Variants in PAXBP1 observed in about 807,000 individuals in gnomAD.
The protein encoded by PAXBP1 is PAX3 and PAX7 binding protein 1.
In PAXBP1, 44 loss-of-function variants were observed where a neutral mutation model predicts 119.9. That is an observed-to-expected ratio of 0.37 (90% CI 0.29 to 0.47). PAXBP1 has a LOEUF of 0.47. Ranked by LOEUF, PAXBP1 falls within the 20% of genes least tolerant of loss-of-function variation. The probability of loss-of-function intolerance (pLI) is 0.99; values close to 1 mark genes in which losing one functional copy is unlikely to be tolerated. For missense variants in PAXBP1, 898 were observed against 1,134.1 expected (o/e 0.79, Z 2.99); for synonymous variants, 393 against 406.6 (o/e 0.97, Z 0.40).
intron 2 of PAXBP1, among the ~76,000 whole-genome samples, chr21:32,766,650 T>C (rs1440489009): frequency 6.6e-6 from 1 of 152,234 alleles, no homozygotes; most frequent in African/African-American, 2.4e-5. Context: ...CTTTTGTGCC[T>C]TGACCCTACA....
At chr21:32,767,484 CAACT>C (rs2044260660) in intron 2 of PAXBP1, among the ~76,000 whole-genome samples, 1 of 152,172 alleles carries the variant, frequency 6.6e-6, no homozygotes, top group South Asian at 2.1e-4. Flanking sequence ...CAATAAATGG[CAACT>C]AATATGGTTT....
chr21:32,737,429 A>C, intron 16 of PAXBP1, 21 bp from the exon 17 acceptor site: 1 of 1,583,712 alleles, frequency 6.3e-7, no homozygotes, highest in Non-Finnish European at 8.6e-7. Context: ...GAAAGACGTA[A>C]AATAAAATAG....
chr21:32,748,739 T>A (rs776309956), intron 10 of PAXBP1, 41 bp from the exon 11 acceptor site: 35 of 1,545,096 alleles, frequency 2.3e-5, no homozygotes, highest in Non-Finnish European at 2.7e-5. Flanking sequence ...TACATTAGTA[T>A]GAAGTAGGAA....
intron 2 of PAXBP1, among the ~76,000 whole-genome samples, chr21:32,766,976 T>C (rs1456262351): frequency 1.3e-5 from 2 of 152,198 alleles, no homozygotes; most frequent in African/African-American, 2.4e-5. Context: ...TTTTATCTCT[T>C]TGGTAAATCC....
At chr21:32,755,898 T>C (rs961748312) in intron 7 of PAXBP1, 1 of 181,030 alleles carries the variant, frequency 5.5e-6, no homozygotes, top group Non-Finnish European at 1.2e-5. Context: ...TGTTTACTAT[T>C]TTGTAGCTTT....
chr21:32,744,614 AG>A (rs2043844759), intron 13 of PAXBP1, among the ~76,000 whole-genome samples, 177 bp downstream of exon 13: 1 of 152,070 alleles, frequency 6.6e-6, no homozygotes, highest in African/African-American at 2.4e-5. Context: ...TATAAAAAAA[AG>A]AAAAAAAAAA....
At chr21:32,756,600 T>C in intron 7 of PAXBP1, 1 of 250,332 alleles carries the variant, frequency 4.0e-6, no homozygotes, top group Non-Finnish European at 7.8e-6. Context: ...AAATTTATTA[T>C]AATCTGATTT....
At chr21:32,767,275 T>A (rs908647368) in intron 2 of PAXBP1, among the ~76,000 whole-genome samples, 2 of 152,112 alleles carry the variant, frequency 1.3e-5, no homozygotes, top group Non-Finnish European at 2.9e-5. Flanking sequence ...GTAGGAAGAG[T>A]TCTGGATTGC....
intron 17 of PAXBP1, 145 bp from the exon 18 acceptor site, chr21:32,735,212 C>T: frequency 1.7e-6 from 1 of 603,430 alleles, no homozygotes. Flanking sequence ...ATGCAAGCTA[C>T]AGCATGTTAA....
At chr21:32,755,114 G>C in intron 8 of PAXBP1, 116 bp downstream of exon 8, 1 of 1,169,160 alleles carries the variant, frequency 8.6e-7, no homozygotes, top group Non-Finnish European at 1.1e-6. Flanking sequence ...CAACAGCAAG[G>C]AAATTGTTTC....
At chr21:32,753,443 A>C (rs921133383) in intron 8 of PAXBP1, among the ~76,000 whole-genome samples, 3 of 151,808 alleles carry the variant, frequency 2.0e-5, no homozygotes, top group Non-Finnish European at 2.9e-5. Flanking sequence ...AAAAAAAAAA[A>C]AAAACATTAT....
chr21:32,764,780 T>C (rs770485519), intron 2 of PAXBP1, among the ~76,000 whole-genome samples: 50 of 152,222 alleles, frequency 3.3e-4, no homozygotes, highest in Non-Finnish European at 6.8e-4. Flanking sequence ...AAGGATGCAT[T>C]TGAGGCCCTG....
chr21:32,749,950 T>G (rs2043934117), intron 10 of PAXBP1, among the ~76,000 whole-genome samples: 1 of 152,138 alleles, frequency 6.6e-6, no homozygotes. Flanking sequence ...GAACCTTAGG[T>G]GGATCCTGGT....
chr21:32,744,354 G>A (rs150524760), intron 13 of PAXBP1, among the ~76,000 whole-genome samples: 121 of 151,768 alleles, frequency 8.0e-4, no homozygotes, highest in African/African-American at 2.5e-3. Flanking sequence ...GTGTTGGGCC[G>A]CATTCAAAGC....
At chr21:32,768,222 G>C (rs751989860) in intron 2 of PAXBP1, among the ~76,000 whole-genome samples, 2 of 152,182 alleles carry the variant, frequency 1.3e-5, no homozygotes, top group African/African-American at 4.8e-5. Flanking sequence ...AGACTCACCT[G>C]CCCTTCTACC....
chr21:32,745,652 G>C lies in PAXBP1; in HGVS notation c.1990C>G (p.Arg664Gly), dbSNP rs772911403. The change falls in exon 12 of 18, where the codon CGA becomes GGA. Residue 664 changes from arginine to glycine, a missense_variant. Physicochemically the swap from Arg to Gly is moderately radical, Grantham distance 125. This residue lies in a region of PAXBP1 where 599 missense variants were observed against 852.7 expected (regional missense o/e 0.70). Transcript: ENST00000331923. The part of the protein sequence containing the change: ...ESLLFYGCEE[R>G]EQEKDDVDVA... ...TCTACATCATCTTTTTCTTGCTCTCGTTCTTCACAACCATAAAACAGCAAA... is the reference window on the plus strand; with the variant it reads ...TCTACATCATCTTTTTCTTGCTCTCCTTCTTCACAACCATAAAACAGCAAA... 3.1e-6 allele frequency: 5 copies of C among 1,613,872 alleles called. No individual in the cohort carries two copies. The highest frequency in any genetic ancestry group is 4.2e-6 in the Non-Finnish European group (5 of 1,179,888).
rs1469858914 is a variant in PAXBP1 at position 32,771,338 on chromosome 21, C to T, written c.331G>A (p.Asp111Asn). ...VPRASLLSFQ[D>N]EEEENEEVFK... The stretch of plus-strand genomic sequence containing the variant: ...GCGCGCACTTTACCTTCCTCCTCGT[C>T]CTGGAAGCTGAGCAGGCTGGCCCGG... The change falls in exon 1 of 18, where the codon GAC becomes AAC. Residue 111 changes from aspartate to asparagine, a missense_variant. By Grantham distance (23) the Asp-to-Asn change is conservative. This residue lies in a region of PAXBP1 where 299 missense variants were observed against 281.4 expected (regional missense o/e 1.06). Coordinates refer to ENST00000331923, the MANE Select transcript of PAXBP1 (RefSeq NM_016631.4). 1 of 1,583,862 alleles carries T rather than the reference C, an allele frequency of 6.3e-7. No individual in the cohort carries two copies. Among genetic ancestry groups the T allele is most frequent in the Non-Finnish European group, 8.5e-7 (1 of 1,172,662 alleles).
chr21:32,745,609 G>A lies in PAXBP1; in HGVS notation c.2033C>T (p.Thr678Ile). The A allele has an allele frequency of 1.2e-6, 2 of 1,614,018 alleles. No homozygotes were observed. Among genetic ancestry groups the A allele is most frequent in the Non-Finnish European group, 1.7e-6 (2 of 1,179,906 alleles). ...AGGAAGAATCACCTTTTCCACAATG[G>A]TAGGTAGTAGGGCAACATCTACATC... ...KDDVDVALLP[T>I]IVEKVILPKL... Residue 678 changes from threonine to isoleucine, a missense_variant, in exon 12 of 18, where the codon ACC (threonine) becomes ATC (isoleucine). Transcript: ENST00000331923.
At chr21:32,752,058 CT>C (rs2043965471) in intron 8 of PAXBP1, 1 of 152,248 alleles carries the variant, frequency 6.6e-6, no homozygotes, top group Non-Finnish European at 1.5e-5. Flanking sequence ...TTACAGAAAA[CT>C]TGCATACTTG....
Sources: allele counts gnomAD v4.1 joint callset (sites outside exome capture counted in the v4.1 genomes callset), GRCh38; gene constraint gnomAD v4.1.1; regional missense constraint gnomAD v4.1.1; transcripts MANE v1.5; gene names NCBI Gene and HGNC (gene_info 2026-07-23, HGNC 2026-07-21).